The following ENOX2 variants were observed in gnomAD, a reference collection of about 807,000 sequenced individuals.
The protein encoded by ENOX2 is ecto-NOX disulfide-thiol exchanger 2, also known as APK1 antigen.
ENOX2 carries 36 observed loss-of-function variants against 45.0 expected under a neutral mutation model. That is an observed-to-expected ratio of 0.80 (90% CI 0.61 to 1.06). The LOEUF is 1.06. ENOX2 is among the 50% of genes least tolerant of loss of function. The pLI, the probability that ENOX2 is intolerant of heterozygous loss-of-function variation, is 0.00. For missense variants in ENOX2, 423 were observed against 462.5 expected (o/e 0.91, Z 0.78); for synonymous variants, 174 against 152.3 (o/e 1.14, Z -1.05).
In ENOX2 at chrX:130,779,010, A is replaced by G. The variant is rs191361632; in HGVS notation, c.-39+4537T>C. On this transcript the variant is annotated intron_variant, in intron 3 of 14. Transcript: ENST00000394363. ...AGTCATCATCCAGTTGGCCTTGTTG[A>G]CTCATGGTTTTTTCCACTTTAGTGG... 2.2e-4 allele frequency among the ~76,000 whole-genome samples: 25 copies of G among 112,393 alleles called. No homozygotes were observed. In the East Asian group the frequency reaches 4.2e-3, roughly 19 times the overall value.
intron 2 of ENOX2, among the ~76,000 whole-genome samples, chrX:130,900,457 C>A (rs908557606): frequency 1.8e-5 from 2 of 112,253 alleles, no homozygotes; most frequent in Admixed American, 9.4e-5. Context: ...CACATTCCAA[C>A]TTAGGATTGC....
At position 130,885,286 on chromosome X, in the gene ENOX2, GCA is replaced by G. The variant is rs1424006548; in HGVS notation, c.-183+16396_-183+16397del. On this transcript the variant is annotated intron_variant, in intron 2 of 14. Transcript: ENST00000394363. ...GCAGCCTGATATCAGGGAGGAAAAA[GCA>G]CAGATTCTTTAATCAGATAATGTAA... 5.4e-5 allele frequency among the ~76,000 whole-genome samples: 6 copies of G among 110,996 alleles called. No homozygotes were observed. In the East Asian group the frequency reaches 1.7e-3, roughly 31 times the overall value.
chrX:130,843,783 A>C (rs2078053367), intron 2 of ENOX2, among the ~76,000 whole-genome samples: 1 of 111,911 alleles, frequency 8.9e-6, no homozygotes, highest in Non-Finnish European at 1.9e-5. Flanking sequence ...AGCCACCTAA[A>C]AGAGAGTTAG....
intron 2 of ENOX2, among the ~76,000 whole-genome samples, chrX:130,816,156 C>T (rs778962524): frequency 1.8e-5 from 2 of 111,499 alleles, no homozygotes; most frequent in Admixed American, 1.9e-4. Flanking sequence ...CAACAAAGAC[C>T]AAAAAAGACA....
chrX:130,650,710 T>C (rs1255216454), intron 10 of ENOX2, among the ~76,000 whole-genome samples: 1 of 112,167 alleles, frequency 8.9e-6, no homozygotes, highest in African/African-American at 3.2e-5. Flanking sequence ...AAAATGTTTC[T>C]CTTTATGACA....
chrX:130,864,172 T>C (rs1006359115), intron 2 of ENOX2, among the ~76,000 whole-genome samples: 3 of 111,031 alleles, frequency 2.7e-5, no homozygotes, highest in African/African-American at 6.5e-5. Context: ...ATATATGTAG[T>C]TTAATATATA....
intron 3 of ENOX2, among the ~76,000 whole-genome samples, chrX:130,713,442 AG>A (rs1243924828): frequency 9.0e-6 from 1 of 111,694 alleles, no homozygotes; most frequent in African/African-American, 3.3e-5. Context: ...GGTTGGACCC[AG>A]GGTTCTGGAA....
At chrX:130,823,891 A>T (rs1282823274) in intron 2 of ENOX2, among the ~76,000 whole-genome samples, 2 of 112,320 alleles carry the variant, frequency 1.8e-5, no homozygotes, top group Non-Finnish European at 3.8e-5. Flanking sequence ...AAGCCCTCCA[A>T]GAGATATTAG....
At chrX:130,761,356 G>A (rs2039486010) in intron 3 of ENOX2, among the ~76,000 whole-genome samples, 1 of 111,361 alleles carries the variant, frequency 9.0e-6, no homozygotes, top group Non-Finnish European at 1.9e-5. Flanking sequence ...ATAGTTATAT[G>A]GCTATTCAAA....
chrX:130,641,740 A>G (rs1007571903), intron 10 of ENOX2, among the ~76,000 whole-genome samples: 4 of 109,052 alleles, frequency 3.7e-5, no homozygotes, highest in South Asian at 4.0e-4. Flanking sequence ...AAAAAAAAAA[A>G]AGAGAGAATT....
At chrX:130,731,831 T>C (rs1026190777) in intron 3 of ENOX2, among the ~76,000 whole-genome samples, 1 of 111,395 alleles carries the variant, frequency 9.0e-6, no homozygotes, top group Admixed American at 9.5e-5. Context: ...CTCAACAAAC[T>C]GGAAATAGAA....
intron 6 of ENOX2, among the ~76,000 whole-genome samples, chrX:130,671,941 C>T (rs1444838528): frequency 8.9e-6 from 1 of 111,802 alleles, no homozygotes; most frequent in East Asian, 2.8e-4. Context: ...TGGAATGCAA[C>T]GATGCAGGAA....
At chrX:130,876,779 G>A (rs1016424729) in intron 2 of ENOX2, among the ~76,000 whole-genome samples, 4 of 111,776 alleles carry the variant, frequency 3.6e-5, no homozygotes, top group African/African-American at 6.5e-5. Flanking sequence ...TGTAGGTTGT[G>A]TGGATGGTAC....
intron 2 of ENOX2, among the ~76,000 whole-genome samples, chrX:130,878,591 C>T (rs1253305991): frequency 8.9e-6 from 1 of 111,961 alleles, no homozygotes; most frequent in African/African-American, 3.2e-5. Flanking sequence ...TGTGTCCTAC[C>T]TTCATAAACC....
chrX:130,763,916 T>C (rs2148358508), intron 3 of ENOX2, among the ~76,000 whole-genome samples: 1 of 110,723 alleles, frequency 9.0e-6, no homozygotes, highest in South Asian at 4.0e-4. Context: ...GCTTAGCTAT[T>C]GTCTACAAGT....
chrX:130,638,287 C>A lies in ENOX2; in HGVS notation c.1130-877G>T, dbSNP rs776041616. 1.4e-4 allele frequency among the ~76,000 whole-genome samples: 15 copies of A among 109,833 alleles called. No homozygotes were observed. In the East Asian group the frequency reaches 4.3e-3, roughly 31 times the overall value. On this transcript the variant is annotated intron_variant, in intron 10 of 14. Coordinates refer to ENST00000394363, the MANE Select transcript of ENOX2 (RefSeq NM_006375.4). Reference sequence around the variant, plus strand: ...TTTGCCATATTGGCCAGGCTGGTCTCGAACTCCTGACCTTGTGATCCGCCT... The same window carrying A: ...TTTGCCATATTGGCCAGGCTGGTCTAGAACTCCTGACCTTGTGATCCGCCT...
chrX:130,883,173 T>C (rs1569332702), intron 2 of ENOX2, among the ~76,000 whole-genome samples: 2 of 111,767 alleles, frequency 1.8e-5, no homozygotes, highest in Non-Finnish European at 3.8e-5. Flanking sequence ...TGCAATGGCA[T>C]GGTCTCAGCT....
intron 3 of ENOX2, among the ~76,000 whole-genome samples, chrX:130,772,507 T>C (rs1472689725): frequency 1.8e-5 from 2 of 112,013 alleles, no homozygotes; most frequent in Non-Finnish European, 3.8e-5. Context: ...ACTTGTTGCC[T>C]GCTCAGACTT....
intron 2 of ENOX2, among the ~76,000 whole-genome samples, chrX:130,887,790 C>G (rs906187170): frequency 9.0e-6 from 1 of 111,516 alleles, no homozygotes; most frequent in Non-Finnish European, 1.9e-5. Context: ...GATTTGCATG[C>G]CTTGGAAGAA....
Sources: gnomAD v4.1 joint callset for allele counts (sites outside exome capture counted in the v4.1 genomes callset) on GRCh38, gnomAD v4.1.1 for gene constraint, MANE v1.5 for transcripts, NCBI Gene and HGNC (gene_info 2026-07-23, HGNC 2026-07-21) for gene names.